The following PRELID2 variants were observed in gnomAD, a reference collection of about 807,000 sequenced individuals.
PRELID2 encodes PRELI domain containing 2.
PRELID2 carries 25 observed loss-of-function variants against 28.4 expected under a neutral mutation model. The observed-to-expected ratio is 0.88, with a 90% CI of 0.64 to 1.23. The LOEUF (loss-of-function observed/expected upper bound fraction) is 1.23, where lower values mean the gene tolerates loss of function less well. Among genes scored for constraint, PRELID2 ranks in the 50% most tolerant of loss-of-function variants. The pLI is 0.00. For missense variants in PRELID2, 201 were observed against 214.4 expected (o/e 0.94, Z 0.39); for synonymous variants, 76 against 71.6 (o/e 1.06, Z -0.31).
intron 2 of PRELID2, among the ~76,000 whole-genome samples, chr5:145,821,203 GTGTGTAAGTCCTCTTCTGTGTGTGTGTA>G (rs1237794389): frequency 2.4e-4 from 35 of 148,300 alleles, no homozygotes; most frequent in East Asian, 1.0e-3. Context: ...CTGTGTGTGT[GTGTGTAAGTCCTCTTCTGTGTGTGTGTA>G]TGTGTGTGTA....
In PRELID2 at chr5:145,805,922, T is replaced by A. The variant is rs564399513; in HGVS notation, c.369-9375A>T. On this transcript the variant is annotated intron_variant, in intron 4 of 6. Coordinates refer to ENST00000683046, the MANE Select transcript of PRELID2 (RefSeq NM_205846.3). The stretch of plus-strand genomic sequence containing the variant: ...GAAAAGGAACAGTAAAAGTGCAGTA[T>A]AAAAGATATATACCATGTATATACC... Among the ~76,000 whole-genome samples, 9 of 152,254 alleles carry A rather than the reference T, an allele frequency of 5.9e-5. 1 individual carries two copies. Among genetic ancestry groups the A allele is most frequent in the African/African-American group, 2.2e-4 (9 of 41,556 alleles).
At chr5:145,652,561 A>G (rs910222041) in intron 1 of PRELID2, among the ~76,000 whole-genome samples, 6 of 152,220 alleles carry the variant, frequency 3.9e-5, no homozygotes, top group African/African-American at 1.4e-4. Flanking sequence ...CTCGGCAGAA[A>G]CTCTACAAGA....
intron 1 of PRELID2, among the ~76,000 whole-genome samples, chr5:145,594,058 A>C (rs1371104652): frequency 2.6e-5 from 4 of 152,326 alleles, no homozygotes; most frequent in Admixed American, 6.5e-5. Context: ...TTTGTTTCAA[A>C]TTAATTGGGG....
chr5:145,400,052 T>TC, the PRELID2 span, among the ~76,000 whole-genome samples: 3 of 152,140 alleles, frequency 2.0e-5, no homozygotes, highest in African/African-American at 7.2e-5. Flanking sequence ...GTCCTTCCTT[T>TC]CCCCAATTTT....
the PRELID2 span, among the ~76,000 whole-genome samples, chr5:145,422,512 T>C: frequency 2.0e-5 from 3 of 152,184 alleles, no homozygotes; most frequent in Non-Finnish European, 4.4e-5. Flanking sequence ...TCTTTTGATC[T>C]TTGTTGGTTT....
At chr5:145,763,418 T>C (rs749465223) in intron 6 of PRELID2, among the ~76,000 whole-genome samples, 1 of 152,254 alleles carries the variant, frequency 6.6e-6, no homozygotes, top group Non-Finnish European at 1.5e-5. Flanking sequence ...TGAAATTATC[T>C]TATTTAGCTT....
rs557030579 is a variant in PRELID2, at chr5:145,517,576, C to T, written n.71-44261G>A. Among the ~76,000 whole-genome samples, 6 of 152,124 alleles carry T rather than the reference C, an allele frequency of 3.9e-5. No individual in the cohort carries two copies. In the East Asian group the frequency reaches 7.7e-4, roughly 20 times the overall value. On this transcript the variant is annotated intron_variant and non_coding_transcript_variant, in intron 1 of 2. Coordinates refer to the PRELID2 transcript ENST00000510259. ...AATTAATTCAATCACTGTGGAAGAC[C>T]GTGTGGCAATTCCTCAAGGATCTAG... is the stretch of plus-strand genomic sequence containing the variant.
the PRELID2 span, among the ~76,000 whole-genome samples, chr5:145,436,572 C>T: frequency 2.0e-5 from 3 of 152,164 alleles, no homozygotes; most frequent in African/African-American, 7.2e-5. Context: ...CCCTTTTCTC[C>T]TCTACCTCGC....
intron 1 of PRELID2, among the ~76,000 whole-genome samples, chr5:145,741,020 AAAAT>A (rs1359510350): frequency 8.5e-6 from 1 of 117,660 alleles, no homozygotes; most frequent in African/African-American, 3.4e-5. Context: ...GTATACAAAT[AAAAT>A]ATATATTATA....
chr5:145,378,840 T>C, the PRELID2 span, among the ~76,000 whole-genome samples: 1 of 152,306 alleles, frequency 6.6e-6, no homozygotes, highest in Middle Eastern at 3.4e-3. Context: ...GTGATGCAGT[T>C]ATTTGAAGAA....
chr5:145,832,599 A>G (rs1158351529), intron 1 of PRELID2, among the ~76,000 whole-genome samples: 1 of 152,148 alleles, frequency 6.6e-6, no homozygotes, highest in Non-Finnish European at 1.5e-5. Context: ...ATGTGTTAAA[A>G]TCCTGGCTGT....
chr5:145,465,007 G>A, the PRELID2 span, among the ~76,000 whole-genome samples: 3 of 152,114 alleles, frequency 2.0e-5, no homozygotes, highest in Non-Finnish European at 4.4e-5. Context: ...CTATTGATCA[G>A]AACGGGTTAG....
chr5:145,413,780 A>C, the PRELID2 span, among the ~76,000 whole-genome samples: 1 of 152,050 alleles, frequency 6.6e-6, no homozygotes, highest in South Asian at 2.1e-4. Flanking sequence ...TCCATACATA[A>C]ATGAGATCAT....
chr5:145,405,388 C>T, the PRELID2 span, among the ~76,000 whole-genome samples: 223 of 152,184 alleles, frequency 1.5e-3, 2 homozygotes, highest in Non-Finnish European at 2.7e-3. Context: ...TAAAGAAATA[C>T]CTGAGACTAT....
At chr5:145,533,616 T>C (rs1414252306) in intron 1 of PRELID2, among the ~76,000 whole-genome samples, 1 of 152,060 alleles carries the variant, frequency 6.6e-6, no homozygotes, top group Non-Finnish European at 1.5e-5. Flanking sequence ...TGACTGGAGC[T>C]TACAGGGATT....
the PRELID2 span, among the ~76,000 whole-genome samples, chr5:145,316,652 A>G: frequency 6.6e-6 from 1 of 152,184 alleles, no homozygotes; most frequent in Non-Finnish European, 1.5e-5. Context: ...TTCTATATTT[A>G]CTGAACTTAG....
chr5:145,405,327 G>A, the PRELID2 span, among the ~76,000 whole-genome samples: 1 of 152,052 alleles, frequency 6.6e-6, no homozygotes, highest in Admixed American at 6.6e-5. Context: ...GGTAATCTGG[G>A]TCCCCACCTA....
chr5:145,820,124 T>G (rs1440379134), intron 2 of PRELID2, 106 bp from the exon 3 acceptor site: 12 of 286,988 alleles, frequency 4.2e-5, no homozygotes, highest in East Asian at 3.5e-4. Context: ...TTGTTTTTTG[T>G]TTTTTTTTTT....
chr5:145,419,175 T>C, the PRELID2 span, among the ~76,000 whole-genome samples: 219 of 150,936 alleles, frequency 1.5e-3, no homozygotes, highest in African/African-American at 5.1e-3. Context: ...TTGTGAATAA[T>C]GCTGCAATAA....
Sources: allele counts gnomAD v4.1 joint callset (sites outside exome capture counted in the v4.1 genomes callset), GRCh38; gene constraint gnomAD v4.1.1; transcripts MANE v1.5; gene names NCBI Gene and HGNC (gene_info 2026-07-23, HGNC 2026-07-21).